Variants in NBEA observed in about 807,000 individuals in gnomAD.
NBEA encodes the protein lysosomal-trafficking regulator 2.
NBEA carries 44 observed loss-of-function variants against 343.4 expected under a neutral mutation model. That is an observed-to-expected ratio of 0.13 (90% CI 0.10 to 0.16). The LOEUF (loss-of-function observed/expected upper bound fraction) is 0.16. Among genes scored for constraint, NBEA ranks in the 10% least tolerant of loss-of-function variants. The pLI, the probability that NBEA is intolerant of heterozygous loss-of-function variation, is 1.00. For missense variants in NBEA, 2,555 were observed against 3,631.3 expected, an observed-to-expected ratio of 0.70 and a Z score of 7.62; for synonymous variants, 1,175 against 1,238.7, an observed-to-expected ratio of 0.95 and a Z score of 1.08.
intron 44 of NBEA, among the ~76,000 whole-genome samples, chr13:35,556,597 T>G (rs893264376): frequency 6.6e-6 from 1 of 152,082 alleles, no homozygotes; most frequent in East Asian, 1.9e-4. Flanking sequence ...TGATTTAAAA[T>G]GTAAGCACCT....
chr13:35,094,539 T>C (rs1248614727), intron 10 of NBEA, among the ~76,000 whole-genome samples: 1 of 152,042 alleles, frequency 6.6e-6, no homozygotes, highest in Non-Finnish European at 1.5e-5. Context: ...AATGTTGAAC[T>C]GTGAAGGAAA....
At chr13:35,462,055 A>G (rs1276735211) in intron 40 of NBEA, among the ~76,000 whole-genome samples, 1 of 152,254 alleles carries the variant, frequency 6.6e-6, no homozygotes, top group African/African-American at 2.4e-5. Flanking sequence ...CACACAAAGT[A>G]GGGACAAGAC....
chr13:35,574,219 C>A (rs1365226686), intron 45 of NBEA, among the ~76,000 whole-genome samples: 1 of 150,758 alleles, frequency 6.6e-6, no homozygotes, highest in Non-Finnish European at 1.5e-5. Context: ...TGATGAGTTG[C>A]ACTGGTTATA....
At chr13:35,435,601 TA>T (rs2045388291) in intron 39 of NBEA, among the ~76,000 whole-genome samples, 1 of 152,108 alleles carries the variant, frequency 6.6e-6, no homozygotes, top group African/African-American at 2.4e-5. Flanking sequence ...TGGATAAGGA[TA>T]AAAATGGGAG....
intron 5 of NBEA, among the ~76,000 whole-genome samples, chr13:35,048,956 A>G (rs374556499): frequency 1.6e-4 from 25 of 151,940 alleles, no homozygotes; most frequent in East Asian, 1.5e-3. Context: ...GTCTCCTTCA[A>G]TGTATATCAG....
intron 10 of NBEA, among the ~76,000 whole-genome samples, chr13:35,079,920 C>G (rs2064301211): frequency 6.6e-6 from 1 of 151,958 alleles, no homozygotes. Context: ...TAGGAAGTGT[C>G]AAGACATACT....
In NBEA at chr13:35,655,823, A is replaced by C; in HGVS notation, c.8362+74A>C. The stretch of plus-strand genomic sequence containing the variant: ...TATATTTTGCCTTTTTGATTTTCCT[A>C]ATAGTTTTTTCCTGAGGTGTAAGGA... On this transcript the variant is annotated intron_variant, in intron 55 of 58. Coordinates refer to ENST00000379939, the MANE Select transcript of NBEA (RefSeq NM_001385012.1). 4 of 1,400,548 alleles carry C rather than the reference A, an allele frequency of 2.9e-6. No individual in the cohort carries two copies. In the South Asian group the frequency reaches 5.5e-5, roughly 19 times the overall value. The allele number at this position is 1,400,548 out of a possible 1,614,324, so 86.8% of individuals were successfully genotyped here.
intron 32 of NBEA, among the ~76,000 whole-genome samples, chr13:35,209,186 A>G (rs2073600733): frequency 6.6e-6 from 1 of 152,164 alleles, no homozygotes; most frequent in Non-Finnish European, 1.5e-5. Flanking sequence ...AATCAGTAAA[A>G]TGTATCAAGA....
chr13:35,615,267 G>A lies in NBEA; in HGVS notation c.7449+8689G>A, dbSNP rs1261673110. ...CACACCATTGCACTCCAGCCTAGGT[G>A]ACAGAATAAGACCCTGTCTCAAAAA... On this transcript the variant is annotated intron_variant, in intron 48 of 58. Transcript: ENST00000379939. 2.2e-5 allele frequency among the ~76,000 whole-genome samples: 3 copies of A among 138,856 alleles called. No homozygotes were observed. The East Asian group carries it at 6.4e-4, about 29-fold the overall frequency. The allele number at this position is 138,856 out of a possible 152,430, so 91.1% of individuals were successfully genotyped here. A position where few individuals can be genotyped will look rare whatever the true frequency, so the allele number is the denominator to read the frequency against.
At chr13:35,229,517 T>G (rs73167796) in intron 33 of NBEA, among the ~76,000 whole-genome samples, 7,978 of 152,198 alleles carry the variant, frequency 0.052, 226 homozygotes, top group South Asian at 0.079. Flanking sequence ...GGAGAAAATT[T>G]TATTTATTTT....
intron 50 of NBEA, 61 bp downstream of exon 50, chr13:35,645,992 C>T (rs1010378481): frequency 9.1e-7 from 1 of 1,104,122 alleles, no homozygotes; most frequent in Non-Finnish European, 1.3e-6. Context: ...TGCATGTATT[C>T]ACAGGTTAGA....
intron 4 of NBEA, among the ~76,000 whole-genome samples, chr13:35,046,288 G>T (rs762719755): frequency 1.3e-5 from 2 of 152,110 alleles, no homozygotes; most frequent in East Asian, 3.9e-4. Context: ...CTTATCTTTC[G>T]ATTAAATACC....
At chr13:35,512,042 A>G (rs922892528) in intron 41 of NBEA, among the ~76,000 whole-genome samples, 26 of 152,212 alleles carry the variant, frequency 1.7e-4, no homozygotes, top group Non-Finnish European at 3.1e-4. Context: ...CTATTTGAAG[A>G]TAGATATTCT....
At chr13:35,640,894 T>C (rs532412673) in intron 49 of NBEA, among the ~76,000 whole-genome samples, 3 of 152,148 alleles carry the variant, frequency 2.0e-5, no homozygotes, top group Admixed American at 2.0e-4. Flanking sequence ...TAGAACTTCC[T>C]CAAGGTGTTC....
intron 45 of NBEA, among the ~76,000 whole-genome samples, chr13:35,573,260 C>A (rs2080533372): frequency 6.6e-6 from 1 of 152,180 alleles, no homozygotes; most frequent in African/African-American, 2.4e-5. Context: ...TTCACTCATT[C>A]TTTCATTACA....
chr13:34,973,893 A>T (rs1245535156), intron 1 of NBEA, among the ~76,000 whole-genome samples: 1 of 152,134 alleles, frequency 6.6e-6, no homozygotes, highest in African/African-American at 2.4e-5. Context: ...TTTTGCCAGG[A>T]TACCCAGAGC....
intron 41 of NBEA, among the ~76,000 whole-genome samples, chr13:35,550,205 A>G (rs905942148): frequency 6.6e-6 from 1 of 152,186 alleles, no homozygotes; most frequent in East Asian, 1.9e-4. Flanking sequence ...CCAATTAATT[A>G]TATACAAGAC....
chr13:35,096,198 A>AT (rs1214190798), intron 10 of NBEA, among the ~76,000 whole-genome samples: 1,514 of 138,934 alleles, frequency 0.011, 11 homozygotes, highest in African/African-American at 0.025. Context: ...TATTGTAAAG[A>AT]TTTTTTTTTT....
intron 39 of NBEA, among the ~76,000 whole-genome samples, chr13:35,439,013 C>T (rs1481689958): frequency 6.6e-6 from 1 of 152,206 alleles, no homozygotes; most frequent in Non-Finnish European, 1.5e-5. Flanking sequence ...ATAACTTCTA[C>T]ATACTATGCA....
Sources: allele counts gnomAD v4.1 joint callset (sites outside exome capture counted in the v4.1 genomes callset), GRCh38; gene constraint gnomAD v4.1.1; transcripts MANE v1.5; gene names NCBI Gene and HGNC (gene_info 2026-07-23, HGNC 2026-07-21).